Variants in THSD7B observed in about 807,000 individuals in gnomAD.
THSD7B encodes the protein thrombospondin type-1 domain-containing protein 7B.
In THSD7B, 138 loss-of-function variants were observed where a neutral mutation model predicts 213.6. That is an observed-to-expected ratio of 0.65 (90% CI 0.56 to 0.74). The LOEUF (loss-of-function observed/expected upper bound fraction) is 0.74. Among genes scored for constraint, THSD7B ranks in the 30% least tolerant of loss-of-function variants. The pLI, the probability that THSD7B is intolerant of heterozygous loss-of-function variation, is 0.00. For synonymous variants in THSD7B, 742 were observed against 687.0 expected (o/e 1.08, Z -1.25); for missense variants, 1,931 against 1,991.5 (o/e 0.97, Z 0.58).
chr2:137,352,265 A>G (rs545607712), intron 12 of THSD7B, among the ~76,000 whole-genome samples: 1 of 152,022 alleles, frequency 6.6e-6, no homozygotes, highest in African/African-American at 2.4e-5. Flanking sequence ...TCGAGATCCT[A>G]TTCTCCCTCA....
At chr2:136,780,129 T>C (rs10185421) in intron 1 of THSD7B, among the ~76,000 whole-genome samples, 47,896 of 152,038 alleles carry the variant, frequency 0.32, 7,871 homozygotes, top group Middle Eastern at 0.33. Context: ...TTATGAATTA[T>C]GGGTAATTCA....
chr2:137,133,447 A>G (rs768414552), intron 5 of THSD7B, among the ~76,000 whole-genome samples: 12 of 152,174 alleles, frequency 7.9e-5, no homozygotes, highest in Non-Finnish European at 1.3e-4. Context: ...GGTTTTTCCT[A>G]TGGAATAGTG....
At chr2:136,899,898 G>C (rs486704) in intron 2 of THSD7B, among the ~76,000 whole-genome samples, 145,758 of 152,268 alleles carry the variant, frequency 0.96, 69,850 homozygotes, top group Admixed American at 0.98. Context: ...AGTGCAGCCT[G>C]CTGCTCATAG....
At chr2:136,983,980 G>A (rs911288668) in intron 2 of THSD7B, among the ~76,000 whole-genome samples, 2 of 152,174 alleles carry the variant, frequency 1.3e-5, no homozygotes, top group Non-Finnish European at 2.9e-5. Context: ...AAGAAGCAAA[G>A]TGTAAGCATA....
At chr2:137,191,532 G>C (rs1680659576) in intron 7 of THSD7B, among the ~76,000 whole-genome samples, 1 of 151,844 alleles carries the variant, frequency 6.6e-6, no homozygotes, top group Non-Finnish European at 1.5e-5. Flanking sequence ...CCAGATGTCT[G>C]GGTTTTAGTA....
At chr2:136,849,973 C>A (rs1264307604) in intron 1 of THSD7B, among the ~76,000 whole-genome samples, 1 of 152,158 alleles carries the variant, frequency 6.6e-6, no homozygotes, top group African/African-American at 2.4e-5. Flanking sequence ...TTCCCTTCCA[C>A]CTCTGCTGAG....
chr2:137,333,186 C>T (rs1397030805), intron 12 of THSD7B, among the ~76,000 whole-genome samples: 1 of 152,042 alleles, frequency 6.6e-6, no homozygotes, highest in Non-Finnish European at 1.5e-5. Flanking sequence ...ACGTCTAACC[C>T]CCTTCATCCC....
chr2:137,296,094 C>A (rs16838671), intron 12 of THSD7B, among the ~76,000 whole-genome samples: 9,341 of 152,130 alleles, frequency 0.061, 530 homozygotes, highest in African/African-American at 0.14. Context: ...TTGGGGAAAA[C>A]AATCCATTTG....
At chr2:136,899,495 G>A (rs1052888415) in intron 2 of THSD7B, among the ~76,000 whole-genome samples, 1 of 152,136 alleles carries the variant, frequency 6.6e-6, no homozygotes, top group Non-Finnish European at 1.5e-5. Context: ...CGCACAAATC[G>A]GTTTTGTACT....
At chr2:136,799,848 C>T (rs74387130) in intron 1 of THSD7B, among the ~76,000 whole-genome samples, 5,545 of 151,994 alleles carry the variant, frequency 0.036, 319 homozygotes, top group African/African-American at 0.12. Flanking sequence ...CATTCAAGGG[C>T]ATCTCCATTG....
chr2:136,791,708 A>G (rs1004542373), intron 1 of THSD7B, among the ~76,000 whole-genome samples: 5 of 152,046 alleles, frequency 3.3e-5, no homozygotes, highest in African/African-American at 1.2e-4. Flanking sequence ...ATCTGTGTTC[A>G]TGAATATGTA....
chr2:137,138,969 A>AT lies in THSD7B; in HGVS notation c.1370-21240dup, dbSNP rs1391527326. On this transcript the variant is annotated intron_variant, in intron 5 of 27. Coordinates refer to ENST00000409968, the MANE Select transcript of THSD7B (RefSeq NM_001316349.2). Reference sequence around the variant, plus strand: ...TTCTATAAGGTGGTATGATTATGTTATTTTCCCTACTGTCCCTAAGTATTT... The same window carrying AT: ...TTCTATAAGGTGGTATGATTATGTTATTTTTCCCTACTGTCCCTAAGTATTT... Among the ~76,000 whole-genome samples, 3 of 151,930 alleles carry AT rather than the reference A, an allele frequency of 2.0e-5. No homozygotes were observed. In the East Asian group the frequency reaches 5.8e-4, roughly 29 times the overall value.
intron 1 of THSD7B, among the ~76,000 whole-genome samples, chr2:136,802,639 T>TTATATG (rs1553449357): frequency 1.7e-4 from 10 of 57,382 alleles, no homozygotes; most frequent in East Asian, 7.0e-4. Context: ...TGAATTAAGT[T>TTATATG]TATATATATA....
At chr2:137,019,986 A>G (rs945410145) in intron 2 of THSD7B, among the ~76,000 whole-genome samples, 2 of 152,160 alleles carry the variant, frequency 1.3e-5, no homozygotes, top group African/African-American at 4.8e-5. Context: ...AATAATTCCT[A>G]TTCAAGGTTT....
At chr2:137,671,546 C>T (rs926889294) in intron 27 of THSD7B, among the ~76,000 whole-genome samples, 3 of 152,118 alleles carry the variant, frequency 2.0e-5, no homozygotes, top group African/African-American at 7.2e-5. Context: ...GAAACAGGCA[C>T]CTTCTTCACA....
chr2:136,826,295 GTT>G (rs1682645683), intron 1 of THSD7B, among the ~76,000 whole-genome samples: 5 of 152,204 alleles, frequency 3.3e-5, no homozygotes, highest in Admixed American at 2.6e-4. Flanking sequence ...ATCATTTGCA[GTT>G]TTTATCTGTT....
At chr2:137,447,154 A>T (rs1488481458) in intron 14 of THSD7B, among the ~76,000 whole-genome samples, 1 of 152,122 alleles carries the variant, frequency 6.6e-6, no homozygotes. Context: ...CATTGAATTT[A>T]TAACCTTGAC....
intron 10 of THSD7B, among the ~76,000 whole-genome samples, chr2:137,268,502 A>C (rs2104801312): frequency 6.6e-6 from 1 of 152,248 alleles, no homozygotes; most frequent in East Asian, 1.9e-4. Context: ...GGTGGGGATT[A>C]TTCATGCCTC....
intron 3 of THSD7B, among the ~76,000 whole-genome samples, chr2:137,061,340 G>A (rs748066767): frequency 6.7e-6 from 1 of 150,042 alleles, no homozygotes; most frequent in Non-Finnish European, 1.5e-5. Context: ...TTTCCAATCT[G>A]AATATGTTTT....
Sources: gnomAD v4.1 joint callset for allele counts (sites outside exome capture counted in the v4.1 genomes callset) on GRCh38, gnomAD v4.1.1 for gene constraint, MANE v1.5 for transcripts, NCBI Gene and HGNC (gene_info 2026-07-23, HGNC 2026-07-21) for gene names.